TRAPPC9: variants seen among roughly 807,000 people sequenced by gnomAD.
The protein encoded by TRAPPC9 is trafficking protein particle complex subunit 9.
TRAPPC9 carries 83 observed loss-of-function variants against 124.0 expected under a neutral mutation model. That is an observed-to-expected ratio of 0.67 (90% confidence interval 0.56 to 0.80). The LOEUF (loss-of-function observed/expected upper bound fraction) is 0.80, where lower values mean the gene tolerates loss of function less well. Among genes scored for constraint, TRAPPC9 ranks in the 30% least tolerant of loss-of-function variants. The probability of loss-of-function intolerance (pLI) is 0.00; values close to 1 mark genes in which losing one functional copy is unlikely to be tolerated. For missense variants in TRAPPC9, 1,302 were observed against 1,508.3 expected (o/e 0.86, Z 2.27); for synonymous variants, 638 against 617.5 (o/e 1.03, Z -0.49).
chr8:140,042,060 G>A lies in TRAPPC9; in HGVS notation c.2557-17981C>T, dbSNP rs534860266. ...AATTGGGACAGTTTGAATATGGAAC[G>A]TTTATGACATAACACTATTGTACTA... On this transcript the variant is annotated intron_variant, in intron 17 of 22. Transcript: ENST00000438773. Among the ~76,000 whole-genome samples the A allele has an allele frequency of 1.4e-4, 21 of 152,266 alleles. 1 individual carries two copies. Among genetic ancestry groups the A allele is most frequent in the African/African-American group, 4.6e-4 (19 of 41,542 alleles).
chr8:140,154,959 C>T (rs999376088), intron 17 of TRAPPC9, among the ~76,000 whole-genome samples: 2 of 152,182 alleles, frequency 1.3e-5, no homozygotes, highest in African/African-American at 4.8e-5. Flanking sequence ...AGTATCCTAG[C>T]ATACCATGTA....
At chr8:140,338,424 C>A (rs180967827) in intron 9 of TRAPPC9, among the ~76,000 whole-genome samples, 2 of 152,304 alleles carry the variant, frequency 1.3e-5, no homozygotes, top group East Asian at 3.9e-4. Flanking sequence ...TGGATAGCGA[C>A]CAGCGTCCCT....
chr8:139,911,893 G>T (rs1449937154), intron 19 of TRAPPC9, among the ~76,000 whole-genome samples: 6 of 152,008 alleles, frequency 3.9e-5, no homozygotes, highest in African/African-American at 9.7e-5. Flanking sequence ...CAGTCTCCAC[G>T]ACAGCTTGGG....
chr8:139,944,052 C>G (rs903914232), intron 19 of TRAPPC9, among the ~76,000 whole-genome samples: 11 of 152,118 alleles, frequency 7.2e-5, no homozygotes, highest in African/African-American at 2.7e-4. Flanking sequence ...AATGTATAAT[C>G]TTAAGAACTT....
At chr8:139,969,374 C>G (rs909287999) in intron 19 of TRAPPC9, among the ~76,000 whole-genome samples, 3 of 152,224 alleles carry the variant, frequency 2.0e-5, no homozygotes, top group African/African-American at 7.2e-5. Flanking sequence ...TCTGCAGCGC[C>G]TGGTGCGTGG....
At chr8:139,937,329 G>C (rs1309775187) in intron 19 of TRAPPC9, among the ~76,000 whole-genome samples, 1 of 152,184 alleles carries the variant, frequency 6.6e-6, no homozygotes, top group Non-Finnish European at 1.5e-5. Flanking sequence ...CAGAGAGGGA[G>C]GTATTCTCTC....
chr8:139,786,619 G>C (rs1822272249), intron 21 of TRAPPC9, among the ~76,000 whole-genome samples: 1 of 152,108 alleles, frequency 6.6e-6, no homozygotes, highest in Admixed American at 6.5e-5. Context: ...AATGGTCTTA[G>C]CTGCTTTACA....
chr8:139,980,303 C>T (rs182180847), intron 19 of TRAPPC9, among the ~76,000 whole-genome samples: 190 of 152,342 alleles, frequency 1.2e-3, no homozygotes, highest in African/African-American at 3.0e-3. Context: ...GGTGGCTCCT[C>T]ACTCCTGACC....
chr8:140,299,234 G>A (rs892442362), intron 11 of TRAPPC9, among the ~76,000 whole-genome samples: 1 of 152,184 alleles, frequency 6.6e-6, no homozygotes, highest in Non-Finnish European at 1.5e-5. Flanking sequence ...AGGAGTCCCT[G>A]TAGCTAAACC....
intron 21 of TRAPPC9, among the ~76,000 whole-genome samples, chr8:139,822,625 G>C (rs989555683): frequency 9.2e-4 from 97 of 105,352 alleles, no homozygotes; most frequent in Non-Finnish European, 1.7e-3. Context: ...GTAGGATGGC[G>C]GGGGGGGGCT....
At chr8:140,032,745 A>T (rs1840583558) in intron 17 of TRAPPC9, among the ~76,000 whole-genome samples, 1 of 152,248 alleles carries the variant, frequency 6.6e-6, no homozygotes, top group Non-Finnish European at 1.5e-5. Context: ...TCTGAAAGAT[A>T]TATTTTTCAA....
intron 17 of TRAPPC9, among the ~76,000 whole-genome samples, chr8:140,035,002 G>A (rs1044292866): frequency 1.3e-5 from 2 of 152,230 alleles, no homozygotes; most frequent in African/African-American, 2.4e-5. Context: ...TGGCCTTGGT[G>A]CTAAATGCTG....
chr8:139,843,874 T>C (rs1458328898), intron 21 of TRAPPC9, among the ~76,000 whole-genome samples: 1 of 152,240 alleles, frequency 6.6e-6, no homozygotes, highest in African/African-American at 2.4e-5. Flanking sequence ...TAAGCCACCA[T>C]GTGCACGCTG....
At chr8:139,841,198 T>A (rs1197586093) in intron 21 of TRAPPC9, among the ~76,000 whole-genome samples, 1 of 152,120 alleles carries the variant, frequency 6.6e-6, no homozygotes, top group Non-Finnish European at 1.5e-5. Flanking sequence ...ATCGCATCAC[T>A]CCGCCCTCCT....
intron 17 of TRAPPC9, among the ~76,000 whole-genome samples, chr8:140,105,957 G>A (rs930951231): frequency 1.3e-5 from 2 of 151,028 alleles, no homozygotes; most frequent in African/African-American, 2.4e-5. Context: ...CAGAAAGGAC[G>A]AGAACGAGCA....
Position 139,729,886 on chromosome 8 carries a change from A to G in TRAPPC9, c.*1175T>C, listed in dbSNP as rs535405447. The stretch of plus-strand genomic sequence containing the variant: ...TTCAGTGCCCAACGGGCACCTGACG[A>G]GCCTGGTATCTGCTGGGGACCAAGG... On this transcript the variant is annotated 3_prime_UTR_variant, in exon 23 of 23. Transcript: ENST00000438773. Among the ~76,000 whole-genome samples the G allele has an allele frequency of 1.1e-3, 175 of 152,228 alleles. 2 individuals carry two copies. In the South Asian group the frequency reaches 0.034, roughly 30 times the overall value.
intron 19 of TRAPPC9, among the ~76,000 whole-genome samples, chr8:139,976,571 C>T (rs190353390): frequency 8.1e-4 from 123 of 152,282 alleles, no homozygotes; most frequent in South Asian, 1.2e-3. Context: ...AAGGCGGCTA[C>T]GAACCTGGTT....
At chr8:140,211,550 C>G (rs1412992301) in intron 17 of TRAPPC9, among the ~76,000 whole-genome samples, 1 of 152,156 alleles carries the variant, frequency 6.6e-6, no homozygotes, top group Non-Finnish European at 1.5e-5. Flanking sequence ...CAGAGCACAA[C>G]CCTGTCTCTT....
At chr8:140,219,260 G>C in intron 17 of TRAPPC9, among the ~76,000 whole-genome samples, 1 of 152,336 alleles carries the variant, frequency 6.6e-6, no homozygotes. Flanking sequence ...AGCCTGCCCG[G>C]CCTGCTTCCT....
Sources: gnomAD v4.1 joint callset for allele counts (sites outside exome capture counted in the v4.1 genomes callset) on GRCh38, gnomAD v4.1.1 for gene constraint, MANE v1.5 for transcripts, NCBI Gene and HGNC (gene_info 2026-07-23, HGNC 2026-07-21) for gene names.